Variants in NID2 observed in about 807,000 individuals in gnomAD.
The protein encoded by NID2 is nidogen 2, also known as nidogen-2.
Under a neutral mutation model 145.4 loss-of-function variants are expected in NID2, and 83 were observed. The observed-to-expected ratio is 0.57, with a 90% CI of 0.48 to 0.69. The LOEUF (loss-of-function observed/expected upper bound fraction) is 0.69. NID2 is among the 30% of genes least tolerant of loss of function. The pLI, the probability that NID2 is intolerant of heterozygous loss-of-function variation, is 0.00. For synonymous variants in NID2, 739 were observed against 701.3 expected (o/e 1.05, Z -0.85); for missense variants, 1,807 against 1,765.7 (o/e 1.02, Z -0.42).
intron 14 of NID2, among the ~76,000 whole-genome samples, chr14:52,017,295 C>T (rs757356119): frequency 2.0e-5 from 3 of 152,174 alleles, no homozygotes; most frequent in East Asian, 1.9e-4. Flanking sequence ...TTCAACCCAA[C>T]CATGAATTTC....
Position 52,068,177 on chromosome 14 carries a change from G to C in NID2, c.229-14C>G. ...GTTGGTGCCCACCTGGGAGAGGAGA[G>C]GGACAAAAAGGTGACAGTCGCTCAA... is the stretch of plus-strand genomic sequence containing the variant. On this transcript the variant is annotated splice_polypyrimidine_tract_variant and intron_variant, in intron 1 of 21. Transcript: ENST00000216286. 6.2e-7 allele frequency: 1 copy of C among 1,610,996 alleles called. No individual in the cohort carries two copies. Among genetic ancestry groups the C allele is most frequent in the Non-Finnish European group, 8.5e-7 (1 of 1,178,638 alleles).
At chr14:52,024,699 T>C (rs1891524610) in intron 12 of NID2, among the ~76,000 whole-genome samples, 2 of 152,172 alleles carry the variant, frequency 1.3e-5, no homozygotes, top group South Asian at 4.1e-4. Context: ...TGGCATATTT[T>C]TAGTTTGTAG....
intron 14 of NID2, among the ~76,000 whole-genome samples, chr14:52,016,988 AGC>A: frequency 6.6e-6 from 1 of 152,328 alleles, no homozygotes; most frequent in East Asian, 1.9e-4. Flanking sequence ...TGGGAGACAA[AGC>A]TCTTTTTAAG....
chr14:52,032,119 T>G (rs763614597), intron 9 of NID2, among the ~76,000 whole-genome samples: 30 of 152,226 alleles, frequency 2.0e-4, no homozygotes, highest in Non-Finnish European at 3.8e-4. Flanking sequence ...TGAGCTGGGA[T>G]GCCTTGGCTG....
chr14:52,028,610 G>C, intron 11 of NID2, 112 bp downstream of exon 11: 1 of 1,245,426 alleles, frequency 8.0e-7, no homozygotes, highest in Non-Finnish European at 1.1e-6. Context: ...GTCTTCTTAA[G>C]AAAACCATAT....
intron 2 of NID2, among the ~76,000 whole-genome samples, chr14:52,063,501 A>G (rs188687531): frequency 6.6e-6 from 1 of 152,362 alleles, no homozygotes; most frequent in East Asian, 1.9e-4. Flanking sequence ...TGATGCATGC[A>G]ACATACACCC....
intron 1 of NID2, 132 bp downstream of exon 1, chr14:52,068,635 G>T (rs1893310384): frequency 1.3e-6 from 1 of 755,542 alleles, no homozygotes; most frequent in Non-Finnish European, 2.1e-6. Context: ...CTCTCTGGCC[G>T]GGTACCACCG....
chr14:52,036,784 T>A (rs955147416), intron 9 of NID2, among the ~76,000 whole-genome samples: 1 of 152,228 alleles, frequency 6.6e-6, no homozygotes, highest in Non-Finnish European at 1.5e-5. Context: ...CACATGCCCA[T>A]TGGGTATCTG....
chr14:52,006,679 A>AAAATGAGGTCCTTCAGCTG lies in NID2; in HGVS notation c.3881-38_3881-20dup. 1 of 1,612,124 alleles carries AAAATGAGGTCCTTCAGCTG rather than the reference A, an allele frequency of 6.2e-7. No homozygotes were observed. On this transcript the variant is annotated intron_variant, in intron 19 of 21. Coordinates refer to ENST00000216286, the MANE Select transcript of NID2 (RefSeq NM_007361.4). The stretch of plus-strand genomic sequence containing the variant: ...TTGGTTCCTTTTAAAACAAAGGGGG[A>AAAATGAGGTCCTTCAGCTG]AAATGAGGTCCTTCAGCTGCTTTGC...
At chr14:52,068,618 G>C in intron 1 of NID2, 149 bp downstream of exon 1, 1 of 676,518 alleles carries the variant, frequency 1.5e-6, no homozygotes. Context: ...GGCAGGCAGC[G>C]GCATCGCTCT....
At chr14:52,047,039 GTTCA>G (rs1342562475) in intron 5 of NID2, among the ~76,000 whole-genome samples, 9 of 152,134 alleles carry the variant, frequency 5.9e-5, no homozygotes, top group African/African-American at 1.2e-4. Context: ...TACAATTTTT[GTTCA>G]TTCATTCACT....
Position 52,027,296 on chromosome 14 carries a change from G to A in NID2, c.2579C>T (p.Ala860Val). ...NPCEDGSHTCAPAGQARCVHH... is the reference protein window; with the variant it reads ...NPCEDGSHTCVPAGQARCVHH... ...AACACACCGGGCCTGCCCAGCAGGA[G>A]CACAGGTATGACTGCCATCCTCACA... is the stretch of plus-strand genomic sequence containing the variant. The change falls in exon 12 of 22, where the codon GCT (alanine) becomes GTT (valine). Residue 860 changes from alanine to valine, a missense_variant. Physicochemically the swap from Ala to Val is moderately conservative, Grantham distance 64. Coordinates refer to ENST00000216286, the MANE Select transcript of NID2 (RefSeq NM_007361.4). 2 of 1,595,240 alleles carry A rather than the reference G, an allele frequency of 1.3e-6. No individual in the cohort carries two copies. The highest frequency in any genetic ancestry group is 1.1e-5 in the South Asian group (1 of 88,590).
intron 9 of NID2, among the ~76,000 whole-genome samples, chr14:52,030,806 G>C (rs1416006992): frequency 6.6e-6 from 1 of 152,140 alleles, no homozygotes; most frequent in African/African-American, 2.4e-5. Flanking sequence ...AGCCATGATT[G>C]TGCCACTGCA....
At chr14:52,028,912 TA>T in intron 10 of NID2, 62 bp from the exon 11 acceptor site, 2 of 1,554,214 alleles carry the variant, frequency 1.3e-6, no homozygotes, top group Non-Finnish European at 1.8e-6. Flanking sequence ...GTGGAGGGTC[TA>T]AAAACTCAAT....
intron 5 of NID2, among the ~76,000 whole-genome samples, chr14:52,045,295 A>G (rs1459846298): frequency 1.3e-5 from 2 of 152,206 alleles, no homozygotes; most frequent in Non-Finnish European, 2.9e-5. Flanking sequence ...TTTGAACAGT[A>G]CTGGAGTGCT....
At position 52,068,825 on chromosome 14, in the gene NID2, G is replaced by A; in HGVS notation, c.170C>T (p.Ala57Val). ...LLQEGDDESS[A>V]VVKLANPLHF... ...CAGGGGATTCGCCAGCTTCACCACG[G>A]CTGAGCTTTCGTCGTCGCCTTCCTG... is the stretch of plus-strand genomic sequence containing the variant. The change falls in exon 1 of 22, where the codon GCC becomes GTC. Residue 57 changes from alanine to valine, a missense_variant. By Grantham distance (64) the Ala-to-Val change is moderately conservative. Transcript: ENST00000216286. 1.9e-6 allele frequency: 3 copies of A among 1,611,742 alleles called. No homozygotes were observed. The highest frequency in any genetic ancestry group is 2.5e-6 in the Non-Finnish European group (3 of 1,179,986).
Position 52,005,279 on chromosome 14 carries a change from A to T in NID2, c.*207T>A, listed in dbSNP as rs1355137522. ...TCTGTTACCTTTTTAAACTTGCAAT[A>T]ACAACCTTCATTTTTAAAAATACAG... is the stretch of plus-strand genomic sequence containing the variant. On this transcript the variant is annotated 3_prime_UTR_variant, in exon 22 of 22. Transcript: ENST00000216286. The T allele has an allele frequency of 2.4e-6, 1 of 410,848 alleles. No individual in the cohort carries two copies. The highest frequency in any genetic ancestry group is 4.3e-6 in the Non-Finnish European group (1 of 235,052). 25.5% of individuals were successfully genotyped at this position (410,848 alleles called of 1,614,324 possible).
chr14:52,057,416 A>C (rs1328517907), intron 3 of NID2, among the ~76,000 whole-genome samples: 2 of 152,170 alleles, frequency 1.3e-5, no homozygotes, highest in Non-Finnish European at 2.9e-5. Context: ...TAAAACATTT[A>C]AACAGGCCGG....
chr14:52,019,810 G>C (rs928852895), intron 13 of NID2, among the ~76,000 whole-genome samples: 3 of 152,120 alleles, frequency 2.0e-5, no homozygotes, highest in Non-Finnish European at 4.4e-5. Context: ...CAGATCACTA[G>C]GGCAGTTAAC....
Sources: allele counts gnomAD v4.1 joint callset (sites outside exome capture counted in the v4.1 genomes callset), GRCh38; gene constraint gnomAD v4.1.1; transcripts MANE v1.5; gene names NCBI Gene and HGNC (gene_info 2026-07-23, HGNC 2026-07-21).